The following KDM4C variants were observed in gnomAD, a reference collection of about 807,000 sequenced individuals.
KDM4C encodes lysine-specific demethylase 4C.
A neutral mutation model predicts 129.3 loss-of-function variants in KDM4C; 81 were observed. The observed-to-expected ratio is 0.63, with a 90% CI of 0.52 to 0.75. The LOEUF is 0.75. Ranked by LOEUF, KDM4C falls within the 30% of genes least tolerant of loss-of-function variation. KDM4C has a pLI of 0.00. For missense variants in KDM4C, 1,457 were observed against 1,304.0 expected (o/e 1.12, Z -1.81); for synonymous variants, 573 against 456.1 (o/e 1.26, Z -3.26).
intron 5 of KDM4C, among the ~76,000 whole-genome samples, chr9:6,874,448 C>T (rs1397313628): frequency 6.6e-6 from 1 of 152,206 alleles, no homozygotes. Context: ...TATTGTCTGA[C>T]AGTGACTTTT....
intron 6 of KDM4C, among the ~76,000 whole-genome samples, chr9:6,881,534 A>C (rs1187464971): frequency 6.6e-6 from 1 of 152,182 alleles, no homozygotes; most frequent in Non-Finnish European, 1.5e-5. Flanking sequence ...TTTTCTATTA[A>C]TCTTGCTACC....
At chr9:7,169,775 C>G (rs367928371) in intron 20 of KDM4C, 23 bp from the exon 21 acceptor site, 5 of 1,574,008 alleles carry the variant, frequency 3.2e-6, no homozygotes, top group Non-Finnish European at 3.5e-6. Context: ...TAATATGTAT[C>G]ATGTTATATT....
chr9:7,013,829 A>G lies in KDM4C; in HGVS notation c.2010A>G (p.Thr670=). The G allele has an allele frequency of 1.9e-6, 3 of 1,614,026 alleles. No homozygotes were observed. The highest frequency in any genetic ancestry group is 2.5e-6 in the Non-Finnish European group (3 of 1,179,898). The change falls in exon 14 of 22, where the codon ACA becomes ACG. Residue 670 remains threonine, a synonymous_variant. Coordinates refer to ENST00000381309, the MANE Select transcript of KDM4C (RefSeq NM_015061.6). ...AAGAAAATGATGCTAGATGGGAGACAAAATTAGATGAAGTCGTTACATCGG... is the reference window on the plus strand; with the variant it reads ...AAGAAAATGATGCTAGATGGGAGACGAAATTAGATGAAGTCGTTACATCGG... The part of the protein sequence containing the change: ...SNEENDARWE[T]KLDEVVTSEG...
chr9:6,975,206 G>A (rs1294501204), intron 8 of KDM4C, among the ~76,000 whole-genome samples: 1 of 152,194 alleles, frequency 6.6e-6, no homozygotes, highest in African/African-American at 2.4e-5. Flanking sequence ...TATTAGAAGT[G>A]GGAGGAGGGA....
At chr9:6,965,099 A>G (rs1200399220) in intron 8 of KDM4C, among the ~76,000 whole-genome samples, 1 of 152,070 alleles carries the variant, frequency 6.6e-6, no homozygotes. Flanking sequence ...GTGCTTTATA[A>G]TGGCTTTGTT....
chr9:6,779,461 C>G (rs1388862503), intron 1 of KDM4C, among the ~76,000 whole-genome samples: 1 of 152,116 alleles, frequency 6.6e-6, no homozygotes, highest in African/African-American at 2.4e-5. Flanking sequence ...GATTCCTGAC[C>G]CCTAGATCAT....
At chr9:6,750,016 G>C (rs1348732239) in intron 1 of KDM4C, among the ~76,000 whole-genome samples, 2 of 137,928 alleles carry the variant, frequency 1.5e-5, no homozygotes. Context: ...AAAAAAAAGA[G>C]TAACCTAAAG....
chr9:6,736,504 G>T (rs992443491), intron 1 of KDM4C, among the ~76,000 whole-genome samples: 3 of 152,114 alleles, frequency 2.0e-5, no homozygotes, highest in Non-Finnish European at 2.9e-5. Context: ...ATGACTAAAA[G>T]GGGCCAAGGT....
chr9:7,140,217 T>G (rs1244204906), intron 19 of KDM4C, among the ~76,000 whole-genome samples: 1 of 152,166 alleles, frequency 6.6e-6, no homozygotes, highest in Non-Finnish European at 1.5e-5. Flanking sequence ...ATGGTCGCCC[T>G]ACACTCCTGG....
At chr9:6,993,655 C>A (rs1306748386) in intron 12 of KDM4C, among the ~76,000 whole-genome samples, 2 of 152,208 alleles carry the variant, frequency 1.3e-5, no homozygotes, top group South Asian at 4.1e-4. Context: ...TCTGGTGCAC[C>A]CGTGCACTTA....
intron 17 of KDM4C, among the ~76,000 whole-genome samples, chr9:7,066,485 G>A (rs781630926): frequency 2.0e-4 from 30 of 152,114 alleles, no homozygotes; most frequent in Non-Finnish European, 4.1e-4. Context: ...ACATAGTATA[G>A]ATCATTTAAA....
At chr9:6,801,512 C>T (rs1050621879) in intron 2 of KDM4C, among the ~76,000 whole-genome samples, 2 of 151,100 alleles carry the variant, frequency 1.3e-5, no homozygotes, top group Non-Finnish European at 2.9e-5. Context: ...GCTGGGATTA[C>T]AGGCGTGAGC....
chr9:6,741,395 AAAAAACAAAAAAC>A (rs1469464746), intron 1 of KDM4C, among the ~76,000 whole-genome samples: 1 of 151,970 alleles, frequency 6.6e-6, no homozygotes, highest in African/African-American at 2.4e-5. Flanking sequence ...ACTCTATCTC[AAAAAACAAAAAAC>A]AAAAACAAAA....
At chr9:7,081,235 C>T (rs908427827) in intron 17 of KDM4C, among the ~76,000 whole-genome samples, 29 of 152,092 alleles carry the variant, frequency 1.9e-4, no homozygotes, top group African/African-American at 6.8e-4. Context: ...TTATGTGCCA[C>T]GTAGACACGT....
At chr9:6,896,369 A>G (rs1043706791) in intron 8 of KDM4C, among the ~76,000 whole-genome samples, 2 of 152,136 alleles carry the variant, frequency 1.3e-5, no homozygotes, top group African/African-American at 4.8e-5. Context: ...GTGTATAAGT[A>G]TCTGATAAAT....
chr9:6,978,427 T>C (rs1833296907), intron 8 of KDM4C, among the ~76,000 whole-genome samples: 1 of 152,192 alleles, frequency 6.6e-6, no homozygotes. Flanking sequence ...AAATTTAGTA[T>C]AGGTGGGTTT....
At chr9:6,786,123 T>C (rs1825432171) in intron 1 of KDM4C, among the ~76,000 whole-genome samples, 1 of 140,630 alleles carries the variant, frequency 7.1e-6, no homozygotes, top group African/African-American at 2.8e-5. Context: ...CCCACAGAAG[T>C]TGTTTAAGAG....
rs563448612 is a variant in KDM4C, at chr9:7,070,847, G to A, written c.2424+21647G>A. On this transcript the variant is annotated intron_variant, in intron 17 of 21. Coordinates refer to ENST00000381309, the MANE Select transcript of KDM4C (RefSeq NM_015061.6). ...CCTATTCAACCTCATACTGAGTGCA[G>A]ATCCTAGCTGGTGCTGTAAGGCAAG... 1.3e-4 allele frequency among the ~76,000 whole-genome samples: 20 copies of A among 152,266 alleles called. No individual in the cohort carries two copies. The South Asian group carries it at 4.1e-3, about 32-fold the overall frequency.
chr9:7,151,096 A>T (rs536446995), intron 19 of KDM4C, among the ~76,000 whole-genome samples: 1 of 151,928 alleles, frequency 6.6e-6, no homozygotes, highest in East Asian at 1.9e-4. Flanking sequence ...GGACCTTTTG[A>T]GGGCAGGAGT....
Sources: allele counts gnomAD v4.1 joint callset (sites outside exome capture counted in the v4.1 genomes callset), GRCh38; gene constraint gnomAD v4.1.1; transcripts MANE v1.5; gene names NCBI Gene and HGNC (gene_info 2026-07-23, HGNC 2026-07-21).